Variants in RPS6KA2 observed in about 807,000 individuals in gnomAD.
RPS6KA2 encodes ribosomal protein S6 kinase alpha-2.
Under a neutral mutation model 91.8 loss-of-function variants are expected in RPS6KA2, and 42 were observed. The observed-to-expected ratio is 0.46, with a 90% CI of 0.36 to 0.59. The LOEUF is 0.59. Among genes scored for constraint, RPS6KA2 ranks in the 20% least tolerant of loss-of-function variants. The pLI is 0.00. For synonymous variants in RPS6KA2, 414 were observed against 393.6 expected (o/e 1.05, Z -0.61); for missense variants, 798 against 978.5 (o/e 0.82, Z 2.46).
At chr6:166,590,181 T>A (rs1391676711) in intron 1 of RPS6KA2, among the ~76,000 whole-genome samples, 2 of 152,232 alleles carry the variant, frequency 1.3e-5, no homozygotes, top group Admixed American at 1.3e-4. Context: ...CCTTCTGGTT[T>A]TGCTTCTTTT....
intron 2 of RPS6KA2, among the ~76,000 whole-genome samples, chr6:166,841,867 T>C (rs187259854): frequency 3.5e-4 from 54 of 152,276 alleles, no homozygotes; most frequent in African/African-American, 1.1e-3. Context: ...CACCCTAAAA[T>C]ATTCTCTAAT....
intron 2 of RPS6KA2, among the ~76,000 whole-genome samples, chr6:166,775,468 T>C (rs1778590076): frequency 6.6e-6 from 1 of 152,186 alleles, no homozygotes; most frequent in Non-Finnish European, 1.5e-5. Flanking sequence ...AAACAAAATA[T>C]AGGCCTTGGT....
At chr6:166,633,942 G>A (rs1045270850) in intron 2 of RPS6KA2, among the ~76,000 whole-genome samples, 1 of 152,128 alleles carries the variant, frequency 6.6e-6, no homozygotes. Context: ...AGAGGGACAC[G>A]GGGACGGTTT....
intron 2 of RPS6KA2, among the ~76,000 whole-genome samples, chr6:166,819,313 T>C (rs558009176): frequency 5.1e-4 from 78 of 152,314 alleles, no homozygotes; most frequent in Non-Finnish European, 1.1e-3. Flanking sequence ...ACTTCTTACA[T>C]GAAAGGTAGC....
rs377176604 is a variant in RPS6KA2 at position 166,635,274 on chromosome 6, G to C, written c.124-96490C>G. ...TCTACTGTGCCTGCTGCTGTGGGCT[G>C]TGCTGAGGCTGGGATCTGAGGGGCT... On this transcript the variant is annotated intron_variant, in intron 2 of 21. Coordinates refer to the RPS6KA2 transcript ENST00000503859. This position sits in a 1 kb window ranked among gnomAD's most constrained non-coding sequence, Gnocchi z 4.8. Among the ~76,000 whole-genome samples the C allele has an allele frequency of 1.3e-5, 2 of 152,208 alleles. No individual in the cohort carries two copies. Among genetic ancestry groups the C allele is most frequent in the Non-Finnish European group, 2.9e-5 (2 of 68,040 alleles).
chr6:166,624,317 A>C (rs957377812), intron 1 of RPS6KA2, among the ~76,000 whole-genome samples: 1 of 152,258 alleles, frequency 6.6e-6, no homozygotes, highest in Non-Finnish European at 1.5e-5. Flanking sequence ...TTATAAAACA[A>C]GTTATCTTTC....
chr6:166,412,664 G>A lies in RPS6KA2; in HGVS notation c.*98C>T. The stretch of plus-strand genomic sequence containing the variant: ...GAGGGCGGGCGCCGCCTCCCTGCTG[G>A]ACTTGTGGTCACTCTGGGTGCCAGA... On this transcript the variant is annotated 3_prime_UTR_variant, in exon 21 of 21. Coordinates refer to ENST00000265678, the MANE Select transcript of RPS6KA2 (RefSeq NM_021135.6). This position sits in a 1 kb window ranked among gnomAD's most constrained non-coding sequence, Gnocchi z 4.3. 7.9e-7 allele frequency: 1 copy of A among 1,264,382 alleles called. No homozygotes were observed. The highest frequency in any genetic ancestry group is 1.1e-6 in the Non-Finnish European group (1 of 933,740). The allele number at this position is 1,264,382 out of a possible 1,614,324, so 78.3% of individuals were successfully genotyped here.
chr6:166,794,332 G>A (rs1159160416), intron 2 of RPS6KA2, among the ~76,000 whole-genome samples: 11 of 152,012 alleles, frequency 7.2e-5, no homozygotes, highest in Admixed American at 6.6e-4. Context: ...TTAGAATGGC[G>A]ATCATTAAAA....
At position 166,412,740 on chromosome 6, in the gene RPS6KA2, G is replaced by A. The variant is rs189888320; in HGVS notation, c.*22C>T. ...GCCCACGAGGATGCTGGCAGGGGACGCTGGGGCCAGGGTCCCACCCGCTAC... is the reference window on the plus strand; with the variant it reads ...GCCCACGAGGATGCTGGCAGGGGACACTGGGGCCAGGGTCCCACCCGCTAC... On this transcript the variant is annotated 3_prime_UTR_variant, in exon 21 of 21. Transcript: ENST00000265678. The surrounding 1 kb of genome is among the most constrained non-coding windows in gnomAD (Gnocchi z 4.3). The A allele has an allele frequency of 8.9e-5, 140 of 1,569,504 alleles. 1 individual carries two copies. In the East Asian group the frequency reaches 2.0e-3, roughly 23 times the overall value.
intron 10 of RPS6KA2, among the ~76,000 whole-genome samples, chr6:166,485,179 G>C (rs1243231979): frequency 6.6e-6 from 1 of 152,202 alleles, no homozygotes; most frequent in Admixed American, 6.5e-5. Context: ...GGGGAGGAGA[G>C]CCACAGACAC....
intron 2 of RPS6KA2, among the ~76,000 whole-genome samples, chr6:166,792,983 T>C (rs1025480162): frequency 6.6e-6 from 1 of 151,970 alleles, no homozygotes; most frequent in African/African-American, 2.4e-5. Context: ...CTAGTCAACA[T>C]AGTGTTGGAA....
In RPS6KA2 at chr6:166,508,137, C is replaced by T; in HGVS notation, c.459+66G>A. On this transcript the variant is annotated intron_variant, in intron 5 of 20. Coordinates refer to ENST00000265678, the MANE Select transcript of RPS6KA2 (RefSeq NM_021135.6). This position sits in a 1 kb window ranked among gnomAD's most constrained non-coding sequence, Gnocchi z 4.3. ...CACGTCCTCTCAATGCTCTCCACCC[C>T]TCCTCCCCTCGAGTCCCAGACAGAA... 1.9e-6 allele frequency: 2 copies of T among 1,034,046 alleles called. No homozygotes were observed. Among genetic ancestry groups the T allele is most frequent in the South Asian group, 2.7e-5 (2 of 72,994 alleles). The allele number at this position is 1,034,046 out of a possible 1,614,324, so 64.1% of individuals were successfully genotyped here.
Position 166,704,800 on chromosome 6 carries a change from G to C in RPS6KA2, c.123+153400C>G, listed in dbSNP as rs542527785. Among the ~76,000 whole-genome samples the C allele has an allele frequency of 3.3e-5, 5 of 152,298 alleles. No homozygotes were observed. The East Asian group carries it at 9.6e-4, about 29-fold the overall frequency. On this transcript the variant is annotated intron_variant, in intron 2 of 21. Coordinates refer to the RPS6KA2 transcript ENST00000503859. The stretch of plus-strand genomic sequence containing the variant: ...TCTGGGCTCCAAGGCTCAGTCCTCT[G>C]ATCTTTCCTGACCTGTCCTTCCCCT...
intron 10 of RPS6KA2, among the ~76,000 whole-genome samples, chr6:166,485,783 G>A (rs1420540700): frequency 1.3e-5 from 2 of 152,162 alleles, no homozygotes; most frequent in Non-Finnish European, 2.9e-5. Context: ...GCAGTGAAAC[G>A]GCAACTTCGG....
chr6:166,529,109 G>A (rs1283763330), intron 3 of RPS6KA2, among the ~76,000 whole-genome samples: 1 of 152,204 alleles, frequency 6.6e-6, no homozygotes, highest in Non-Finnish European at 1.5e-5. Context: ...CTGCTATAAA[G>A]ACACATGCAC....
At chr6:166,428,528 T>C (rs1779007044) in intron 16 of RPS6KA2, among the ~76,000 whole-genome samples, 1 of 137,730 alleles carries the variant, frequency 7.3e-6, no homozygotes, top group Admixed American at 7.3e-5. Context: ...ACCTACAAAA[T>C]GGGAGAAAAT....
At chr6:166,811,257 G>A (rs1348051064) in intron 2 of RPS6KA2, among the ~76,000 whole-genome samples, 3 of 152,218 alleles carry the variant, frequency 2.0e-5, no homozygotes, top group African/African-American at 4.8e-5. Context: ...AGCCAAGTGG[G>A]ACTGGACTGA....
intron 10 of RPS6KA2, among the ~76,000 whole-genome samples, chr6:166,482,302 C>T (rs180832345): frequency 6.2e-4 from 95 of 152,326 alleles, no homozygotes; most frequent in African/African-American, 1.9e-3. Flanking sequence ...TCTCATTTTA[C>T]TTGGGTTGTC....
rs759871093 is a variant in RPS6KA2 at position 166,612,966 on chromosome 6, T to C, written c.99+13955A>G. 1.3e-5 allele frequency among the ~76,000 whole-genome samples: 2 copies of C among 152,254 alleles called. No individual in the cohort carries two copies. The highest frequency in any genetic ancestry group is 2.9e-5 in the Non-Finnish European group (2 of 68,042). ...CTTTAATTATTGTTTAAAAGACAGA[T>C]GCTTGAGCAGTGTTTCCCGGACCTC... On this transcript the variant is annotated intron_variant, in intron 1 of 20. Coordinates refer to ENST00000265678, the MANE Select transcript of RPS6KA2 (RefSeq NM_021135.6). The surrounding 1 kb of genome is among the most constrained non-coding windows in gnomAD (Gnocchi z 4.3).
Sources: allele counts gnomAD v4.1 joint callset (sites outside exome capture counted in the v4.1 genomes callset), GRCh38; gene constraint gnomAD v4.1.1; non-coding constraint Gnocchi (gnomAD v3.1); transcripts MANE v1.5; gene names NCBI Gene and HGNC (gene_info 2026-07-23, HGNC 2026-07-21).